Variants in DNAH7 observed in about 807,000 individuals in gnomAD.
DNAH7 encodes the protein dynein axonemal heavy chain 7.
Under a neutral mutation model 444.6 loss-of-function variants are expected in DNAH7, and 397 were observed. That is an observed-to-expected ratio of 0.89 (90% CI 0.82 to 0.97). The LOEUF (loss-of-function observed/expected upper bound fraction) is 0.97, where lower values mean the gene tolerates loss of function less well. DNAH7 is among the 50% of genes least tolerant of loss of function. The probability of loss-of-function intolerance (pLI) is 0.00; values close to 1 mark genes in which losing one functional copy is unlikely to be tolerated. For missense variants in DNAH7, 4,902 were observed against 4,800.8 expected (o/e 1.02, Z -0.62); for synonymous variants, 1,636 against 1,624.4 (o/e 1.01, Z -0.17).
At chr2:195,841,677 AT>A (rs11297010) in intron 47 of DNAH7, among the ~76,000 whole-genome samples, 76,849 of 150,820 alleles carry the variant, frequency 0.51, 20,356 homozygotes, top group Non-Finnish European at 0.6. Flanking sequence ...ATTATTTTGT[AT>A]TTTTTTTTTA....
intron 60 of DNAH7, among the ~76,000 whole-genome samples, chr2:195,775,327 A>G (rs1402126185): frequency 2.0e-5 from 3 of 152,212 alleles, no homozygotes; most frequent in Non-Finnish European, 4.4e-5. Flanking sequence ...TTACTATTGC[A>G]ATTATATTTT....
At chr2:195,821,940 A>G (rs1697491618) in intron 49 of DNAH7, among the ~76,000 whole-genome samples, 1 of 152,186 alleles carries the variant, frequency 6.6e-6, no homozygotes, top group Admixed American at 6.5e-5. Flanking sequence ...CAAAACCCCT[A>G]GGAAGATGAT....
At chr2:195,908,254 T>C (rs1334128011) in intron 25 of DNAH7, among the ~76,000 whole-genome samples, 1 of 152,074 alleles carries the variant, frequency 6.6e-6, no homozygotes, top group East Asian at 1.9e-4. Flanking sequence ...TACAAATTTA[T>C]GGAGTATGTG....
At chr2:195,945,483 G>C (rs1028090786) in intron 19 of DNAH7, among the ~76,000 whole-genome samples, 5 of 152,134 alleles carry the variant, frequency 3.3e-5, no homozygotes, top group Non-Finnish European at 7.3e-5. Flanking sequence ...TTCCTTGACA[G>C]CAGAAATAGC....
At chr2:195,865,567 C>G (rs1413309314) in intron 40 of DNAH7, among the ~76,000 whole-genome samples, 1 of 152,096 alleles carries the variant, frequency 6.6e-6, no homozygotes, top group East Asian at 1.9e-4. Flanking sequence ...TAAGTCGTTA[C>G]AGAGAGCAAT....
In DNAH7 at chr2:196,000,850, T is replaced by C; in HGVS notation, c.1207A>G (p.Ile403Val). Residue 403 changes from isoleucine (I) to valine (V), a missense_variant, in exon 12 of 65, where the codon ATC becomes GTC. Transcript: ENST00000312428. The part of the protein sequence containing the change: ...SVRAFEHPGF[I>V]MRLILDNDTI... ...TCATTATCAAGAATCAGCCTCATGA[T>C]GAAACCTGGATGTTCAAAAGCTCTA... 2 of 1,596,588 alleles carry C rather than the reference T, an allele frequency of 1.3e-6. No individual in the cohort carries two copies. Among genetic ancestry groups the C allele is most frequent in the East Asian group, 2.2e-5 (1 of 44,540 alleles).
chr2:196,043,394 C>T (rs188598158), intron 5 of DNAH7, among the ~76,000 whole-genome samples: 3 of 152,190 alleles, frequency 2.0e-5, no homozygotes, highest in South Asian at 2.1e-4. Flanking sequence ...GGTTATCTCT[C>T]GCCTTATACA....
chr2:195,884,725 C>T lies in DNAH7; in HGVS notation c.5623G>A (p.Glu1875Lys). 2 of 1,614,124 alleles carry T rather than the reference C, an allele frequency of 1.2e-6. No individual in the cohort carries two copies. Among genetic ancestry groups the T allele is most frequent in the Non-Finnish European group, 8.5e-7 (1 of 1,180,012 alleles). The change falls in exon 35 of 65, where the codon GAA (glutamate) becomes AAA (lysine). Residue 1875 changes from glutamate to lysine, a missense_variant. Transcript: ENST00000312428. ...TCTGAAATTGGACTTTCCATTAGTT[C>T]TCGAAGAATCTTATTAAATTTCAAT... is the stretch of plus-strand genomic sequence containing the variant. Reference protein sequence around the residue: ...DRLKFNKILRELMESPISDRT... With the variant: ...DRLKFNKILRKLMESPISDRT...
At position 195,960,595 on chromosome 2, in the gene DNAH7, C is replaced by G; in HGVS notation, c.2556G>C (p.Arg852Ser). The change falls in exon 18 of 65, where the codon AGG (arginine) becomes AGC (serine). Residue 852 changes from arginine (R) to serine (S), a missense_variant. Coordinates refer to ENST00000312428, the MANE Select transcript of DNAH7 (RefSeq NM_018897.3). Reference protein sequence around the residue: ...QVICNPGLRPRHWEAMSAIVG... With the variant: ...QVICNPGLRPSHWEAMSAIVG... ...CAATGGCAGACATGGCCTCCCAGTGCCTGGGGCGCAAACCAGGATTACAGA... is the reference window on the plus strand; with the variant it reads ...CAATGGCAGACATGGCCTCCCAGTGGCTGGGGCGCAAACCAGGATTACAGA... 6.2e-7 allele frequency: 1 copy of G among 1,614,196 alleles called. No homozygotes were observed. Among genetic ancestry groups the G allele is most frequent in the South Asian group, 1.1e-5 (1 of 91,084 alleles).
intron 12 of DNAH7, chr2:195,995,501 C>G: frequency 3.1e-6 from 1 of 321,694 alleles, no homozygotes; most frequent in Admixed American, 4.0e-5. Context: ...CTGAGAGGTA[C>G]TGTGAGCGCC....
chr2:195,898,382 A>G (rs931502944), intron 28 of DNAH7, among the ~76,000 whole-genome samples: 1 of 151,948 alleles, frequency 6.6e-6, no homozygotes, highest in Non-Finnish European at 1.5e-5. Flanking sequence ...TAAATTTTTA[A>G]GTTTTTCTTC....
intron 57 of DNAH7, among the ~76,000 whole-genome samples, chr2:195,789,404 G>A (rs185474213): frequency 2.0e-5 from 3 of 152,262 alleles, no homozygotes; most frequent in Non-Finnish European, 4.4e-5. Context: ...GCCAAGTGTC[G>A]AATGTGGAAG....
rs567811495 is a variant in DNAH7, at chr2:195,940,675, T to TA, written c.3079-3884dup. On this transcript the variant is annotated intron_variant, in intron 19 of 64. Coordinates refer to ENST00000312428, the MANE Select transcript of DNAH7 (RefSeq NM_018897.3). ...GAATCTACAAGGAACTTAAGCCAAT[T>TA]AAAAAAAAAACCAACCCCATCAAAA... Among the ~76,000 whole-genome samples the TA allele has an allele frequency of 6.7e-3, 975 of 145,074 alleles. 12 individuals carry two copies. Among genetic ancestry groups the TA allele is most frequent in the Non-Finnish European group, 0.01 (678 of 65,076 alleles).
chr2:196,028,034 C>G lies in DNAH7; in HGVS notation c.412G>C (p.Asp138His). 1 of 1,607,292 alleles carries G rather than the reference C, an allele frequency of 6.2e-7. No homozygotes were observed. The highest frequency in any genetic ancestry group is 1.7e-5 in the Admixed American group (1 of 59,272). The change falls in exon 6 of 65, where the codon GAC (aspartate) becomes CAC (histidine). Residue 138 changes from aspartate (D) to histidine (H), a missense_variant. By Grantham distance (81) the Asp-to-His change is moderately conservative (BLOSUM62 -1). Transcript: ENST00000312428. ...LVNVIMQQDA[D>H]LDSAVPDGST... ...CCATCAGGGACAGCTGAGTCTAAGT[C>G]AGCATCTTGTTGCCTAAGAAAATGA...
At chr2:195,809,154 G>T (rs944920771) in intron 52 of DNAH7, among the ~76,000 whole-genome samples, 1 of 152,032 alleles carries the variant, frequency 6.6e-6, no homozygotes, top group African/African-American at 2.4e-5. Flanking sequence ...TGTTCTATTC[G>T]AATACGTGTT....
intron 58 of DNAH7, 93 bp downstream of exon 58, chr2:195,786,917 A>G (rs1335668652): frequency 7.7e-7 from 1 of 1,295,442 alleles, no homozygotes; most frequent in Non-Finnish European, 1.0e-6. Flanking sequence ...TCATAAGAGT[A>G]GAAATTAATC....
intron 49 of DNAH7, among the ~76,000 whole-genome samples, chr2:195,823,547 T>C (rs1697571286): frequency 2.6e-5 from 4 of 152,304 alleles, no homozygotes; most frequent in Non-Finnish European, 5.9e-5. Flanking sequence ...ACTATATAAC[T>C]CTTGCCTCTC....
intron 40 of DNAH7, among the ~76,000 whole-genome samples, chr2:195,866,148 C>G (rs1358106336): frequency 6.6e-6 from 1 of 152,134 alleles, no homozygotes; most frequent in Non-Finnish European, 1.5e-5. Flanking sequence ...ACTTCTTCAC[C>G]TATAAAATAG....
chr2:195,942,531 T>A (rs1249159447), intron 19 of DNAH7, among the ~76,000 whole-genome samples: 1 of 151,718 alleles, frequency 6.6e-6, no homozygotes, highest in African/African-American at 2.4e-5. Flanking sequence ...GTAAGTACAG[T>A]GAAAAGTTAT....
Sources: gnomAD v4.1 joint callset for allele counts (sites outside exome capture counted in the v4.1 genomes callset) on GRCh38, gnomAD v4.1.1 for gene constraint, MANE v1.5 for transcripts, NCBI Gene and HGNC (gene_info 2026-07-23, HGNC 2026-07-21) for gene names.